CACNG2: variants seen among roughly 807,000 people sequenced by gnomAD.
CACNG2 encodes the protein calcium voltage-gated channel auxiliary subunit gamma 2, also known as voltage-dependent calcium channel gamma-2 subunit.
Under a neutral mutation model 25.9 loss-of-function variants are expected in CACNG2, and 3 were observed. That is an observed-to-expected ratio of 0.12 (90% CI 0.05 to 0.30). The LOEUF is 0.30. CACNG2 is among the 10% of genes least tolerant of loss of function. CACNG2 has a pLI of 1.00. For missense variants in CACNG2, 341 were observed against 432.5 expected (o/e 0.79, Z 1.88); for synonymous variants, 167 against 173.3 (o/e 0.96, Z 0.29).
intron 1 of CACNG2, among the ~76,000 whole-genome samples, chr22:36,668,243 A>G (rs966990019): frequency 6.6e-6 from 1 of 152,222 alleles, no homozygotes; most frequent in Non-Finnish European, 1.5e-5. Context: ...GACAAGCCAG[A>G]GCTTCAGGCG....
intron 1 of CACNG2, among the ~76,000 whole-genome samples, chr22:36,646,712 C>T (rs1294491775): frequency 6.6e-6 from 1 of 151,836 alleles, no homozygotes; most frequent in Non-Finnish European, 1.5e-5. Flanking sequence ...GCTTGGGATT[C>T]TCATCAGCTT....
intron 1 of CACNG2, among the ~76,000 whole-genome samples, chr22:36,692,060 C>G (rs898083118): frequency 1.3e-5 from 2 of 152,076 alleles, no homozygotes; most frequent in Non-Finnish European, 2.9e-5. Context: ...ACAGGAGAGC[C>G]ATGGGGCAAA....
rs139154124 is a variant in CACNG2, at chr22:36,617,246, T to G, written c.212-29698A>C. 7.2e-3 allele frequency among the ~76,000 whole-genome samples: 1,102 copies of G among 152,338 alleles called. 8 individuals are homozygous for G. The highest frequency in any genetic ancestry group is 0.012 in the Non-Finnish European group (788 of 68,026). ...TATGTTTCATGTTGATCTATCTGGA[T>G]AGATGTTCCTTGGGGATTAGGAGCA... On this transcript the variant is annotated intron_variant, in intron 1 of 3. Coordinates refer to ENST00000300105, the MANE Select transcript of CACNG2 (RefSeq NM_006078.5).
At chr22:36,656,514 T>A (rs770687469) in intron 1 of CACNG2, among the ~76,000 whole-genome samples, 7 of 152,222 alleles carry the variant, frequency 4.6e-5, no homozygotes, top group Non-Finnish European at 8.8e-5. Context: ...CCTGGATGGC[T>A]GTAATGGGCT....
chr22:36,654,458 C>G (rs938862341), intron 1 of CACNG2, among the ~76,000 whole-genome samples: 2 of 152,056 alleles, frequency 1.3e-5, no homozygotes, highest in Non-Finnish European at 2.9e-5. Flanking sequence ...TCTTGAACTC[C>G]TGGGCCCAAG....
chr22:36,648,572 C>T (rs1449871193), intron 1 of CACNG2, among the ~76,000 whole-genome samples: 1 of 152,216 alleles, frequency 6.6e-6, no homozygotes, highest in East Asian at 1.9e-4. Context: ...CTTGAACTAT[C>T]TACCTTCTGA....
chr22:36,661,608 A>C (rs1327273357), intron 1 of CACNG2, among the ~76,000 whole-genome samples: 1 of 152,238 alleles, frequency 6.6e-6, no homozygotes, highest in African/African-American at 2.4e-5. Context: ...GAAGGGCCAC[A>C]GCATCTGAGG....
At chr22:36,613,142 T>C (rs1935970395) in intron 1 of CACNG2, among the ~76,000 whole-genome samples, 1 of 144,332 alleles carries the variant, frequency 6.9e-6, no homozygotes, top group Non-Finnish European at 1.5e-5. Context: ...AAAGTTCATT[T>C]CATTACAGGC....
intron 1 of CACNG2, among the ~76,000 whole-genome samples, chr22:36,605,768 T>C (rs1935822137): frequency 6.6e-6 from 1 of 152,174 alleles, no homozygotes; most frequent in African/African-American, 2.4e-5. Flanking sequence ...TCACACAGTC[T>C]CTACTTTGAA....
At chr22:36,695,860 C>G (rs376586238) in intron 1 of CACNG2, among the ~76,000 whole-genome samples, 1 of 152,130 alleles carries the variant, frequency 6.6e-6, no homozygotes, top group African/African-American at 2.4e-5. Flanking sequence ...ATGTTCTCAC[C>G]TCATGGCCTA....
At chr22:36,590,469 G>C (rs1187358851) in intron 1 of CACNG2, among the ~76,000 whole-genome samples, 2 of 152,108 alleles carry the variant, frequency 1.3e-5, no homozygotes, top group Non-Finnish European at 2.9e-5. Flanking sequence ...CCTGAGCCTA[G>C]TTGTCAGCGC....
intron 1 of CACNG2, among the ~76,000 whole-genome samples, chr22:36,602,532 C>G (rs1299176614): frequency 6.6e-6 from 1 of 152,074 alleles, no homozygotes; most frequent in African/African-American, 2.4e-5. Context: ...ATTACAGGCA[C>G]CCGCCACCAC....
intron 1 of CACNG2, among the ~76,000 whole-genome samples, chr22:36,599,075 CA>C (rs1411388183): frequency 6.6e-6 from 1 of 152,198 alleles, no homozygotes; most frequent in Admixed American, 6.5e-5. Flanking sequence ...TGCATACATG[CA>C]CACGATGTAT....
intron 2 of CACNG2, among the ~76,000 whole-genome samples, chr22:36,571,361 G>A (rs1935220453): frequency 6.6e-6 from 1 of 152,110 alleles, no homozygotes; most frequent in Non-Finnish European, 1.5e-5. Context: ...GGAGGCTGAG[G>A]CAGGAGAACC....
chr22:36,648,709 CT>C (rs1391720374), intron 1 of CACNG2, among the ~76,000 whole-genome samples: 1 of 152,188 alleles, frequency 6.6e-6, no homozygotes, highest in East Asian at 1.9e-4. Context: ...CCTTTGCCAT[CT>C]CAGTAAACGG....
chr22:36,699,654 G>C (rs1263568102), intron 1 of CACNG2, among the ~76,000 whole-genome samples: 1 of 134,158 alleles, frequency 7.5e-6, no homozygotes, highest in Admixed American at 8.0e-5. Flanking sequence ...AGGGGTGGGG[G>C]GTGGGGGGAT....
intron 1 of CACNG2, among the ~76,000 whole-genome samples, chr22:36,676,057 C>G (rs186014313): frequency 6.6e-6 from 1 of 152,134 alleles, no homozygotes; most frequent in African/African-American, 2.4e-5. Flanking sequence ...ACACCTGGCT[C>G]GTGTGACATC....
At chr22:36,685,096 TCCATGCCCCG>T (rs1937178087) in intron 1 of CACNG2, among the ~76,000 whole-genome samples, 1 of 152,166 alleles carries the variant, frequency 6.6e-6, no homozygotes. Context: ...TCCACAAATA[TCCATGCCCCG>T]CCTGGTTTCT....
intron 1 of CACNG2, among the ~76,000 whole-genome samples, chr22:36,592,298 C>CA (rs1288062075): frequency 6.9e-6 from 1 of 145,676 alleles, no homozygotes; most frequent in Non-Finnish European, 1.5e-5. Context: ...GGGGTGGGGT[C>CA]AAAGCATTGT....
Sources: gnomAD v4.1 joint callset for allele counts (sites outside exome capture counted in the v4.1 genomes callset) on GRCh38, gnomAD v4.1.1 for gene constraint, MANE v1.5 for transcripts, NCBI Gene and HGNC (gene_info 2026-07-23, HGNC 2026-07-21) for gene names.